Variants in FNDC3B observed in about 807,000 individuals in gnomAD.
The protein encoded by FNDC3B is fibronectin type III domain containing 3B.
FNDC3B carries 12 observed loss-of-function variants against 151.5 expected under a neutral mutation model. That is an observed-to-expected ratio of 0.08 (90% CI 0.05 to 0.13). The LOEUF is 0.13. FNDC3B is among the 10% of genes least tolerant of loss of function. The pLI is 1.00. For missense variants in FNDC3B, 1,214 were observed against 1,505.3 expected (o/e 0.81, Z 3.20); for synonymous variants, 528 against 549.0 (o/e 0.96, Z 0.54).
At chr3:172,190,995 A>G (rs1724482571) in intron 3 of FNDC3B, among the ~76,000 whole-genome samples, 1 of 152,184 alleles carries the variant, frequency 6.6e-6, no homozygotes, top group East Asian at 1.9e-4. Context: ...TTAATGATGA[A>G]ATATTGAAGA....
chr3:172,097,508 A>T (rs1294428160), intron 1 of FNDC3B, among the ~76,000 whole-genome samples: 1 of 152,242 alleles, frequency 6.6e-6, no homozygotes, highest in African/African-American at 2.4e-5. Context: ...AAATTGAATT[A>T]TGTTTTCTTA....
intron 11 of FNDC3B, among the ~76,000 whole-genome samples, chr3:172,323,876 G>A (rs1560078036): frequency 6.6e-6 from 1 of 152,202 alleles, no homozygotes; most frequent in Non-Finnish European, 1.5e-5. Flanking sequence ...GTGAGGATGA[G>A]GATGAAGCAA....
intron 25 of FNDC3B, among the ~76,000 whole-genome samples, chr3:172,393,446 T>C (rs1456020853): frequency 6.6e-6 from 1 of 152,194 alleles, no homozygotes; most frequent in Non-Finnish European, 1.5e-5. Context: ...ACTCTACAGA[T>C]AATCCAGACA....
In FNDC3B at chr3:172,163,115, A is replaced by T. The variant is rs185757415; in HGVS notation, c.187+29569A>T. ...ACTCTGTCTATACAAAAATTTTTTTAAAAAAATTAACTGGGCATGATGGTG... is the reference window on the plus strand; with the variant it reads ...ACTCTGTCTATACAAAAATTTTTTTTAAAAAATTAACTGGGCATGATGGTG... On this transcript the variant is annotated intron_variant, in intron 3 of 25. Transcript: ENST00000415807. 8.8e-3 allele frequency among the ~76,000 whole-genome samples: 1,341 copies of T among 151,756 alleles called. 12 individuals are homozygous for T. Among genetic ancestry groups the T allele is most frequent in the Non-Finnish European group, 0.013 (866 of 67,976 alleles).
At chr3:172,372,905 A>C (rs965555601) in intron 23 of FNDC3B, among the ~76,000 whole-genome samples, 2 of 152,210 alleles carry the variant, frequency 1.3e-5, no homozygotes, top group Non-Finnish European at 2.9e-5. Context: ...TGCCCATTTT[A>C]CAAATGGGAG....
At chr3:172,112,892 CT>C (rs1189557538) in intron 2 of FNDC3B, among the ~76,000 whole-genome samples, 1 of 152,154 alleles carries the variant, frequency 6.6e-6, no homozygotes, top group Non-Finnish European at 1.5e-5. Flanking sequence ...CTGTATTGTG[CT>C]TGACTAGTTT....
intron 16 of FNDC3B, 125 bp from the exon 17 acceptor site, chr3:172,340,988 G>T (rs1388665477): frequency 2.9e-6 from 2 of 692,558 alleles, no homozygotes; most frequent in Non-Finnish European, 2.6e-6. Context: ...GAGCTTTCTG[G>T]CTATTTAAAA....
intron 3 of FNDC3B, chr3:172,134,471 A>C: frequency 2.1e-6 from 1 of 482,438 alleles, no homozygotes; most frequent in Non-Finnish European, 4.2e-6. Flanking sequence ...TTGAACTGGA[A>C]TCTAATCTGA....
intron 3 of FNDC3B, among the ~76,000 whole-genome samples, chr3:172,168,651 A>G (rs1448912826): frequency 1.3e-5 from 2 of 151,524 alleles, no homozygotes; most frequent in Admixed American, 6.6e-5. Flanking sequence ...CTATATATCT[A>G]TGCTTTTAAA....
At chr3:172,380,133 A>G (rs982919726) in intron 24 of FNDC3B, among the ~76,000 whole-genome samples, 4 of 151,958 alleles carry the variant, frequency 2.6e-5, no homozygotes, top group Non-Finnish European at 5.9e-5. Context: ...AATTGCAAGC[A>G]GAAACAACTG....
intron 1 of FNDC3B, among the ~76,000 whole-genome samples, chr3:172,081,655 G>A (rs970234518): frequency 6.6e-6 from 1 of 152,114 alleles, no homozygotes; most frequent in Non-Finnish European, 1.5e-5. Context: ...ACTTTTGGAT[G>A]CAGAAAATAA....
At chr3:172,392,959 T>C (rs565957) in intron 25 of FNDC3B, among the ~76,000 whole-genome samples, 128,788 of 151,590 alleles carry the variant, frequency 0.85, 56,117 homozygotes, top group East Asian at 1. Context: ...TATGCCACCC[T>C]ACCTGGCTAA....
At position 172,346,545 on chromosome 3, in the gene FNDC3B, A is replaced by ATTTTTT. The variant is rs55676402; in HGVS notation, c.2364+116_2364+121dup. On this transcript the variant is annotated intron_variant, in intron 20 of 25. Coordinates refer to ENST00000415807, the MANE Select transcript of FNDC3B (RefSeq NM_022763.4). ...CAAATCCAAAATGCACATATAGATG[A>ATTTTTT]TTTTTTTTTTTTTTTTGCTCTGTGT... The ATTTTTT allele has an allele frequency of 1.7e-3, 783 of 448,604 alleles. 4 individuals are homozygous for ATTTTTT. Among genetic ancestry groups the ATTTTTT allele is most frequent in the East Asian group, 0.012 (350 of 28,574 alleles). 27.8% of individuals were successfully genotyped at this position (448,604 alleles called of 1,614,324 possible). A position where few individuals can be genotyped will look rare whatever the true frequency, so the allele number is the denominator to read the frequency against.
At chr3:172,337,262 C>G (rs1046536673) in intron 15 of FNDC3B, 68 bp from the exon 16 acceptor site, 2 of 1,075,716 alleles carry the variant, frequency 1.9e-6, no homozygotes, top group South Asian at 2.6e-5. Context: ...TTTTATGAGT[C>G]CTGATGATGT....
At chr3:172,182,662 A>G (rs1723971736) in intron 3 of FNDC3B, among the ~76,000 whole-genome samples, 1 of 152,210 alleles carries the variant, frequency 6.6e-6, no homozygotes, top group Non-Finnish European at 1.5e-5. Context: ...AGGGAATTCC[A>G]ACATAGAATC....
rs149694019 is a variant in FNDC3B, at chr3:172,086,221, A to T, written c.-28-26231A>T. ...ACAATAAATTAAAAATTAGCTGGGTATGGTGGCACACACCTGTAGTCCCAG... is the reference window on the plus strand; with the variant it reads ...ACAATAAATTAAAAATTAGCTGGGTTTGGTGGCACACACCTGTAGTCCCAG... On this transcript the variant is annotated intron_variant, in intron 1 of 25. Transcript: ENST00000415807. Among the ~76,000 whole-genome samples, 715 of 152,204 alleles carry T rather than the reference A, an allele frequency of 4.7e-3. 6 individuals carry two copies. The highest frequency in any genetic ancestry group is 0.016 in the African/African-American group (666 of 41,536).
chr3:172,051,113 C>T (rs1157464114), intron 1 of FNDC3B, among the ~76,000 whole-genome samples: 118 of 132,538 alleles, frequency 8.9e-4, no homozygotes, highest in African/African-American at 3.3e-3. Context: ...GATGGAGTTT[C>T]ACTCTTGTTG....
intron 11 of FNDC3B, among the ~76,000 whole-genome samples, chr3:172,322,954 G>C (rs1033529423): frequency 1.3e-5 from 2 of 152,182 alleles, no homozygotes; most frequent in African/African-American, 4.8e-5. Context: ...CTCTGCCTCA[G>C]TTGTACTTGA....
chr3:172,148,790 A>G (rs1445274517), intron 3 of FNDC3B, among the ~76,000 whole-genome samples: 1 of 152,188 alleles, frequency 6.6e-6, no homozygotes, highest in Non-Finnish European at 1.5e-5. Context: ...GCTCCTGTTC[A>G]GTGGTTGAGT....
Sources: allele counts gnomAD v4.1 joint callset (sites outside exome capture counted in the v4.1 genomes callset), GRCh38; gene constraint gnomAD v4.1.1; transcripts MANE v1.5; gene names NCBI Gene and HGNC (gene_info 2026-07-23, HGNC 2026-07-21).